Variants in ANKH observed in about 807,000 individuals in gnomAD.
The protein encoded by ANKH is ANKH inorganic pyrophosphate transport regulator, also known as mineralization regulator ANKH.
ANKH carries 15 observed loss-of-function variants against 49.0 expected under a neutral mutation model. The observed-to-expected ratio is 0.31, with a 90% CI of 0.20 to 0.47. The LOEUF is 0.47. Ranked by LOEUF, ANKH falls within the 20% of genes least tolerant of loss-of-function variation. The pLI is 1.00. For synonymous variants in ANKH, 273 were observed against 260.0 expected (o/e 1.05, Z -0.48); for missense variants, 429 against 652.0 (o/e 0.66, Z 3.72).
At chr5:14,760,035 T>A (rs1739027820) in intron 2 of ANKH, among the ~76,000 whole-genome samples, 1 of 152,058 alleles carries the variant, frequency 6.6e-6, no homozygotes, top group Non-Finnish European at 1.5e-5. Context: ...ACTACGATCT[T>A]CAGAGAGTGA....
intron 8 of ANKH, among the ~76,000 whole-genome samples, chr5:14,734,622 G>A (rs1738112423): frequency 1.3e-5 from 2 of 152,218 alleles, no homozygotes; most frequent in African/African-American, 4.8e-5. Context: ...GGCAGGTGCA[G>A]GGATCCGTGG....
chr5:14,740,103 C>T (rs753482812), intron 8 of ANKH, among the ~76,000 whole-genome samples: 6 of 152,228 alleles, frequency 3.9e-5, no homozygotes, highest in Middle Eastern at 3.4e-3. Flanking sequence ...ACTCTAGCAG[C>T]GGAAAGATGT....
chr5:14,707,901 G>C lies in ANKH; in HGVS notation c.*3296C>G, dbSNP rs932364249. ...GCACAAGACAAACCCGATGCAGGCA[G>C]TCATGGGGGATGACTGTTTTTTACC... On this transcript the variant is annotated 3_prime_UTR_variant, in exon 12 of 12. Coordinates refer to ENST00000284268, the MANE Select transcript of ANKH (RefSeq NM_054027.6). The C allele has an allele frequency of 1.3e-5, 2 of 152,184 alleles. No homozygotes were observed. Among genetic ancestry groups the C allele is most frequent in the Non-Finnish European group, 2.9e-5 (2 of 68,034 alleles). The allele number at this position is 152,184 out of a possible 1,614,324, so 9.4% of individuals were successfully genotyped here.
At chr5:14,826,981 A>G (rs998825010) in intron 1 of ANKH, among the ~76,000 whole-genome samples, 4 of 152,294 alleles carry the variant, frequency 2.6e-5, no homozygotes, top group African/African-American at 4.8e-5. Flanking sequence ...CTGGTCTCCA[A>G]AAACTCCTGA....
In ANKH at chr5:14,828,059, C is replaced by T. The variant is rs1055171695; in HGVS notation, c.96+43293G>A. 7.2e-5 allele frequency among the ~76,000 whole-genome samples: 11 copies of T among 152,194 alleles called. 1 individual carries two copies. The highest frequency in any genetic ancestry group is 2.1e-4 in the South Asian group (1 of 4,834). ...AACATGTTGCTTTGTTTCTAGGCTG[C>T]GGCTACAACACTCTTATGTTAAGCA... On this transcript the variant is annotated intron_variant, in intron 1 of 11. Coordinates refer to ENST00000284268, the MANE Select transcript of ANKH (RefSeq NM_054027.6).
rs143306347 is a variant in ANKH at position 14,784,056 on chromosome 5, C to A, written c.97-14865G>T. ...TGGTAGAGGCTGCAGCATCAGAAGG[C>A]GTATTTGTTGGTGGAGTACATGAAT... is the stretch of plus-strand genomic sequence containing the variant. On this transcript the variant is annotated intron_variant, in intron 1 of 11. Coordinates refer to ENST00000284268, the MANE Select transcript of ANKH (RefSeq NM_054027.6). Among the ~76,000 whole-genome samples, 1,155 of 152,326 alleles carry A rather than the reference C, an allele frequency of 7.6e-3. 8 individuals carry two copies. Among genetic ancestry groups the A allele is most frequent in the Non-Finnish European group, 0.013 (904 of 68,022 alleles).
intron 1 of ANKH, among the ~76,000 whole-genome samples, chr5:14,860,522 T>C (rs948726186): frequency 1.2e-4 from 18 of 152,294 alleles, no homozygotes; most frequent in Admixed American, 4.6e-4. Context: ...AATTTTGTGT[T>C]GTTGTTATTT....
chr5:14,741,164 T>G (rs1738341125), intron 8 of ANKH: 1 of 152,376 alleles, frequency 6.6e-6, no homozygotes, highest in Admixed American at 6.5e-5. Flanking sequence ...CTATAAAGCA[T>G]GTACCTATTT....
In ANKH at chr5:14,842,717, G is replaced by T. The variant is rs1741847724; in HGVS notation, c.96+28635C>A. Among the ~76,000 whole-genome samples, 3 of 152,176 alleles carry T rather than the reference G, an allele frequency of 2.0e-5. No individual in the cohort carries two copies. The South Asian group carries it at 6.2e-4, about 32-fold the overall frequency. ...GAACAGATGAAGGCTGCAGAGACAG[G>T]GAGTGGGGGTTTTCTTCTATCAAGC... On this transcript the variant is annotated intron_variant, in intron 1 of 11. Coordinates refer to ENST00000284268, the MANE Select transcript of ANKH (RefSeq NM_054027.6).
At chr5:14,754,499 A>C (rs896496520) in intron 4 of ANKH, among the ~76,000 whole-genome samples, 1 of 152,230 alleles carries the variant, frequency 6.6e-6, no homozygotes, top group Non-Finnish European at 1.5e-5. Flanking sequence ...CATAGGATAC[A>C]GAAAGTAAGA....
chr5:14,800,799 T>A (rs1740546104), intron 1 of ANKH, among the ~76,000 whole-genome samples: 1 of 151,178 alleles, frequency 6.6e-6, no homozygotes, highest in South Asian at 2.1e-4. Context: ...TGAACATGGC[T>A]CACTGCAGCC....
rs781170638 is a variant in ANKH at position 14,871,394 on chromosome 5, C to T, written c.54G>A (p.Val18=). 6.2e-7 allele frequency: 1 copy of T among 1,613,516 alleles called. No individual in the cohort carries two copies. Among genetic ancestry groups the T allele is most frequent in the Non-Finnish European group, 8.5e-7 (1 of 1,179,754 alleles). The part of the protein sequence containing the change: ...THYWPLIRFL[V]PLGITNIAID... ...TGGCTATGTTGGTGATGCCCAGGGG[C>T]ACCAAGAACCGGATCAGGGGCCAGT... The change falls in exon 1 of 12, where the codon GTG becomes GTA. Residue 18 remains valine, a synonymous_variant. Coordinates refer to ENST00000284268, the MANE Select transcript of ANKH (RefSeq NM_054027.6).
chr5:14,739,278 G>A (rs1203330779), intron 8 of ANKH, among the ~76,000 whole-genome samples: 1 of 152,164 alleles, frequency 6.6e-6, no homozygotes, highest in East Asian at 1.9e-4. Flanking sequence ...TCAGCCGGGT[G>A]TGGTGGCGGG....
Position 14,710,915 on chromosome 5 carries a change from T to C in ANKH, c.*282A>G. 2.4e-6 allele frequency: 1 copy of C among 421,908 alleles called. No homozygotes were observed. The highest frequency in any genetic ancestry group is 4.4e-6 in the Non-Finnish European group (1 of 225,038). 26.1% of individuals were successfully genotyped at this position (421,908 alleles called of 1,614,324 possible). A position where few individuals can be genotyped will look rare whatever the true frequency, so the allele number is the denominator to read the frequency against. On this transcript the variant is annotated 3_prime_UTR_variant, in exon 12 of 12. Transcript: ENST00000284268. Reference sequence around the variant, plus strand: ...GGGGAGGAGGACACAACGTCAACCGTGAGGCAGCTGTGTCTTTTGGGTTTT... The same window carrying C: ...GGGGAGGAGGACACAACGTCAACCGCGAGGCAGCTGTGTCTTTTGGGTTTT...
chr5:14,820,604 GGGA>G, intron 1 of ANKH, among the ~76,000 whole-genome samples: 1 of 152,144 alleles, frequency 6.6e-6, no homozygotes, highest in Non-Finnish European at 1.5e-5. Flanking sequence ...ATCAAGGGTG[GGGA>G]AATGAGGAAC....
rs1737196643 is a variant in ANKH at position 14,711,382 on chromosome 5, G to C, written c.1366-72C>G. On this transcript the variant is annotated intron_variant, in intron 11 of 11. Transcript: ENST00000284268. ...TGCACAGCAGAACCACGAGCAGGGA[G>C]ACAACACCGGGGTCTTGGGGGACCC... The C allele has an allele frequency of 9.0e-6, 12 of 1,336,996 alleles. No individual in the cohort carries two copies. The Admixed American group carries it at 1.3e-4, about 15-fold the overall frequency. The allele number at this position is 1,336,996 out of a possible 1,614,324, so 82.8% of individuals were successfully genotyped here.
intron 4 of ANKH, among the ~76,000 whole-genome samples, chr5:14,752,034 G>T (rs1738736812): frequency 6.6e-6 from 1 of 152,194 alleles, no homozygotes; most frequent in South Asian, 2.1e-4. Context: ...TGGGCTGGGT[G>T]CCATGGCTCA....
At chr5:14,765,770 A>G (rs1739241152) in intron 2 of ANKH, among the ~76,000 whole-genome samples, 2 of 152,212 alleles carry the variant, frequency 1.3e-5, no homozygotes, top group South Asian at 4.1e-4. Flanking sequence ...GCCTGTCTCA[A>G]TCATCCTGCT....
chr5:14,855,136 T>A (rs1742219904), intron 1 of ANKH, among the ~76,000 whole-genome samples: 1 of 152,164 alleles, frequency 6.6e-6, no homozygotes, highest in Admixed American at 6.5e-5. Context: ...GGATCCGTCT[T>A]GCTTTCCAGA....
Sources: allele counts gnomAD v4.1 joint callset (sites outside exome capture counted in the v4.1 genomes callset), GRCh38; gene constraint gnomAD v4.1.1; transcripts MANE v1.5; gene names NCBI Gene and HGNC (gene_info 2026-07-23, HGNC 2026-07-21).